The following RGS20 variants were observed in gnomAD, a reference collection of about 807,000 sequenced individuals.
RGS20 encodes gz-selective GTPase-activating protein.
Under a neutral mutation model 33.6 loss-of-function variants are expected in RGS20, and 30 were observed. The ratio of observed to expected loss-of-function variants is 0.89; its 90% CI spans 0.67 to 1.21. The LOEUF is 1.21. RGS20 is among the 50% of genes most tolerant of loss of function. The pLI, the probability that RGS20 is intolerant of heterozygous loss-of-function variation, is 0.00. For synonymous variants in RGS20, 208 were observed against 197.9 expected, an observed-to-expected ratio of 1.05 and a Z score of -0.43; for missense variants, 472 against 502.4, an observed-to-expected ratio of 0.94 and a Z score of 0.58.
At chr8:53,951,541 T>A (rs1421547438) in intron 4 of RGS20, among the ~76,000 whole-genome samples, 1 of 152,048 alleles carries the variant, frequency 6.6e-6, no homozygotes, top group East Asian at 1.9e-4. Flanking sequence ...TAATAAGCTA[T>A]ATTTATTGGT....
Position 53,885,736 on chromosome 8 carries a change from A to G in RGS20, c.510+6134A>G, listed in dbSNP as rs190030397. On this transcript the variant is annotated intron_variant, in intron 2 of 5. Transcript: ENST00000297313. ...CTAGGAATTATGCCTGCATCCTTGAAAAAGGAAACCGTGGTTTTTTCCAGT... is the reference window on the plus strand; with the variant it reads ...CTAGGAATTATGCCTGCATCCTTGAGAAAGGAAACCGTGGTTTTTTCCAGT... Among the ~76,000 whole-genome samples, 128 of 152,104 alleles carry G rather than the reference A, an allele frequency of 8.4e-4. 1 individual carries two copies. The highest frequency in any genetic ancestry group is 1.7e-3 in the Non-Finnish European group (114 of 67,978).
At chr8:53,919,235 T>C (rs1813577987) in intron 2 of RGS20, among the ~76,000 whole-genome samples, 2 of 152,208 alleles carry the variant, frequency 1.3e-5, no homozygotes, top group East Asian at 3.8e-4. Context: ...AAATTGGGTT[T>C]TCTCTCCTTT....
At position 53,958,485 on chromosome 8, in the gene RGS20, TA is replaced by T; in HGVS notation, c.*31del. On this transcript the variant is annotated 3_prime_UTR_variant, in exon 6 of 6. Transcript: ENST00000297313. The stretch of plus-strand genomic sequence containing the variant: ...ATTTTTCAAATATATTTATTATTAA[TA>T]AAATAATAAAAGAATTCATGGGCTA... The T allele has an allele frequency of 8.2e-7, 1 of 1,225,046 alleles. No homozygotes were observed. Among genetic ancestry groups the T allele is most frequent in the South Asian group, 2.4e-5 (1 of 41,430 alleles). 75.9% of individuals were successfully genotyped at this position (1,225,046 alleles called of 1,614,324 possible). A position where few individuals can be genotyped will look rare whatever the true frequency, so the allele number is the denominator to read the frequency against.
At chr8:53,938,449 G>A (rs1354888244) in intron 2 of RGS20, among the ~76,000 whole-genome samples, 6 of 152,150 alleles carry the variant, frequency 3.9e-5, no homozygotes, top group Non-Finnish European at 8.8e-5. Flanking sequence ...GGATTGATGG[G>A]TGCAGCAAAC....
intron 1 of RGS20, among the ~76,000 whole-genome samples, chr8:53,858,401 G>A (rs372264457): frequency 2.8e-4 from 43 of 152,038 alleles, no homozygotes; most frequent in Middle Eastern, 3.4e-3. Flanking sequence ...AGTAAGGCCC[G>A]CAGGAGAGGT....
chr8:53,921,461 A>G (rs1231843475), intron 2 of RGS20, among the ~76,000 whole-genome samples: 1 of 149,994 alleles, frequency 6.7e-6, no homozygotes, highest in African/African-American at 2.5e-5. Context: ...TTTTTTTTTA[A>G]ATACACCAGC....
chr8:53,854,643 AACTGAATCATTAAT>A (rs1811634654), intron 1 of RGS20, among the ~76,000 whole-genome samples: 1 of 152,218 alleles, frequency 6.6e-6, no homozygotes. Flanking sequence ...GATGCAGAGA[AACTGAATCATTAAT>A]ACATTGCTGA....
intron 3 of RGS20, among the ~76,000 whole-genome samples, chr8:53,943,951 G>C (rs912025771): frequency 4.6e-4 from 70 of 150,654 alleles, no homozygotes; most frequent in African/African-American, 1.6e-3. Flanking sequence ...AAGTCAAAAG[G>C]GTTCCTGCAT....
chr8:53,858,351 A>G (rs1304034656), intron 1 of RGS20, among the ~76,000 whole-genome samples: 2 of 152,266 alleles, frequency 1.3e-5, no homozygotes, highest in East Asian at 3.9e-4. Flanking sequence ...GGAAAAATTG[A>G]AAACCATTCT....
At chr8:53,887,868 C>T (rs1206289976) in intron 2 of RGS20, among the ~76,000 whole-genome samples, 1 of 151,864 alleles carries the variant, frequency 6.6e-6, no homozygotes, top group South Asian at 2.1e-4. Context: ...GTCCCAGCTA[C>T]TTGGGAGGCT....
intron 2 of RGS20, among the ~76,000 whole-genome samples, chr8:53,930,863 T>G (rs550711037): frequency 2.0e-5 from 3 of 152,182 alleles, no homozygotes; most frequent in Admixed American, 1.3e-4. Flanking sequence ...TAGGAAATAA[T>G]AGTTACCTGG....
Position 53,938,439 on chromosome 8 carries a change from G to A in RGS20, c.511-1137G>A, listed in dbSNP as rs140640655. ...AGGAGAAATACTTAATGTAGATGAC[G>A]GATTGATGGGTGCAGCAAACCACTA... On this transcript the variant is annotated intron_variant, in intron 2 of 5. Coordinates refer to ENST00000297313, the MANE Select transcript of RGS20 (RefSeq NM_170587.4). Among the ~76,000 whole-genome samples, 166 of 152,206 alleles carry A rather than the reference G, an allele frequency of 1.1e-3. 1 individual carries two copies. The highest frequency in any genetic ancestry group is 3.7e-3 in the African/African-American group (154 of 41,512).
At chr8:53,865,896 T>C (rs2129269440) in intron 1 of RGS20, among the ~76,000 whole-genome samples, 2 of 152,354 alleles carry the variant, frequency 1.3e-5, no homozygotes, top group East Asian at 3.9e-4. Flanking sequence ...CATGAACCAT[T>C]GTGCCTGGCC....
chr8:53,946,769 T>A (rs751715770), intron 4 of RGS20, 21 bp downstream of exon 3: 9 of 1,597,648 alleles, frequency 5.6e-6, no homozygotes, highest in East Asian at 2.2e-5. Context: ...ACGTTTTTTT[T>A]ACCTCACTAA....
At chr8:53,881,294 G>A (rs182735679) in intron 2 of RGS20, among the ~76,000 whole-genome samples, 289 of 152,162 alleles carry the variant, frequency 1.9e-3, no homozygotes, top group African/African-American at 6.6e-3. Context: ...GTCCGCGTGC[G>A]AAGAGGGGCA....
rs1268566732 is a variant in RGS20, at chr8:53,877,111, G to C, written c.166-2147G>C. ...CACGAAAGGCTTTGGAGCTCGCTCG[G>C]GCTCCTCGAAGTTGGGCGTGCGTCG... On this transcript the variant is annotated intron_variant, in intron 1 of 5. Coordinates refer to ENST00000297313, the MANE Select transcript of RGS20 (RefSeq NM_170587.4). This position sits in a 1 kb window ranked among gnomAD's most constrained non-coding sequence, Gnocchi z 5.7. Among the ~76,000 whole-genome samples, 1 of 152,184 alleles carries C rather than the reference G, an allele frequency of 6.6e-6. No individual in the cohort carries two copies. Among genetic ancestry groups the C allele is most frequent in the Non-Finnish European group, 1.5e-5 (1 of 68,034 alleles).
intron 1 of RGS20, chr8:53,852,098 C>T (rs751276800): frequency 1.0e-5 from 16 of 1,553,530 alleles, no homozygotes; most frequent in Middle Eastern, 1.7e-4. Context: ...GATCCTTTCC[C>T]GTCAAGGGAA....
rs545926808 is a variant in RGS20, at chr8:53,904,611, A to G, written c.510+25009A>G. 1.5e-4 allele frequency among the ~76,000 whole-genome samples: 23 copies of G among 152,338 alleles called. No individual in the cohort carries two copies. In the East Asian group the frequency reaches 1.9e-3, roughly 13 times the overall value. ...TGATGGCCTCATATATTCCTCAGCC[A>G]TTTGAAGAGTCCCTAAAGCAGCCCC... On this transcript the variant is annotated intron_variant, in intron 2 of 5. Transcript: ENST00000297313.
chr8:53,882,048 C>T (rs1244606406), intron 2 of RGS20, among the ~76,000 whole-genome samples: 1 of 151,850 alleles, frequency 6.6e-6, no homozygotes, highest in Non-Finnish European at 1.5e-5. Flanking sequence ...AGCGGCGCTC[C>T]GGGACCGGGG....
Sources: allele counts gnomAD v4.1 joint callset (sites outside exome capture counted in the v4.1 genomes callset), GRCh38; gene constraint gnomAD v4.1.1; non-coding constraint Gnocchi (gnomAD v3.1); transcripts MANE v1.5; gene names NCBI Gene and HGNC (gene_info 2026-07-23, HGNC 2026-07-21).